The following RGS19 variants were observed in gnomAD, a reference collection of about 807,000 sequenced individuals.
RGS19 encodes regulator of G protein signaling 19.
Under a neutral mutation model 22.0 loss-of-function variants are expected in RGS19, and 9 were observed. The ratio of observed to expected loss-of-function variants is 0.41; its 90% confidence interval spans 0.25 to 0.71. The LOEUF (loss-of-function observed/expected upper bound fraction) is 0.71. RGS19 is among the 30% of genes least tolerant of loss of function. The pLI, the probability that RGS19 is intolerant of heterozygous loss-of-function variation, is 0.32. For missense variants in RGS19, 256 were observed against 307.1 expected (o/e 0.83, Z 1.24); for synonymous variants, 130 against 127.3 (o/e 1.02, Z -0.14).
chr20:64,076,871 C>G lies in RGS19; in HGVS notation c.16G>C (p.Glu6Gln). 6.4e-7 allele frequency: 1 copy of G among 1,554,870 alleles called. No homozygotes were observed. The highest frequency in any genetic ancestry group is 8.6e-7 in the Non-Finnish European group (1 of 1,158,252). Residue 6 changes from glutamate to glutamine, a missense_variant, in exon 2 of 6, where the codon GAG becomes CAG. Glu to Gln is a conservative substitution (Grantham distance 29). Coordinates refer to ENST00000395042, the MANE Select transcript of RGS19 (RefSeq NM_005873.3). ...AGGTGGCATACCTGCTTCTCAGCCT[C>G]ATGCGGGGTGGGCATGGGTGGGCGG... MPTPH[E>Q]AEKQITGPEE...
chr20:64,074,147 C>T lies in RGS19; in HGVS notation c.459G>A (p.Lys153=). 1.9e-6 allele frequency: 3 copies of T among 1,612,670 alleles called. No homozygotes were observed. The highest frequency in any genetic ancestry group is 2.5e-6 in the Non-Finnish European group (3 of 1,178,924). ...CCTGTTCTGGTGTCTGGCGCACCTCCTTGGGGGACAGGATGGATACGTAGT... is the reference window on the plus strand; with the variant it reads ...CCTGTTCTGGTGTCTGGCGCACCTCTTTGGGGGACAGGATGGATACGTAGT... The part of the protein sequence containing the change: ...YEDYVSILSP[K]EVSLDSRVRE... The change falls in exon 5 of 6, where the codon AAG becomes AAA. Residue 153 remains lysine (K), a synonymous_variant. Coordinates refer to ENST00000395042, the MANE Select transcript of RGS19 (RefSeq NM_005873.3).
intron 1 of RGS19, 80 bp from the exon 2 acceptor site, chr20:64,077,034 G>A: frequency 1.4e-6 from 1 of 733,214 alleles, no homozygotes; most frequent in Non-Finnish European, 2.1e-6. Flanking sequence ...TCCTGAGAGG[G>A]TGTCTCCCTA....
intron 3 of RGS19, among the ~76,000 whole-genome samples, chr20:64,076,216 C>T (rs1208976552): frequency 6.6e-6 from 1 of 152,246 alleles, no homozygotes; most frequent in Non-Finnish European, 1.5e-5. Flanking sequence ...CCCCCAGGGC[C>T]TAGCCTGGGC....
chr20:64,079,822 G>C (rs1391475761), upstream of RGS19: 1 of 150,474 alleles, frequency 6.6e-6, no homozygotes, highest in Non-Finnish European at 1.5e-5. This position sits in a 1 kb window ranked among gnomAD's most constrained non-coding sequence, Gnocchi z 5.1. Context: ...CCCCGGGCCC[G>C]GGCCGGGAGG....
chr20:64,077,723 G>A (rs995625557), intron 1 of RGS19, among the ~76,000 whole-genome samples: 1 of 152,200 alleles, frequency 6.6e-6, no homozygotes, highest in Non-Finnish European at 1.5e-5. Flanking sequence ...CGAAGCCTCG[G>A]AGTCCCTGAG....
At position 64,073,680 on chromosome 20, in the gene RGS19, C is replaced by T. The variant is rs2059874769; in HGVS notation, c.*173G>A. 1.5e-5 allele frequency: 9 copies of T among 598,122 alleles called. No homozygotes were observed. The highest frequency in any genetic ancestry group is 4.6e-4 in the Middle Eastern group (1 of 2,194). 37.1% of individuals were successfully genotyped at this position (598,122 alleles called of 1,614,324 possible). On this transcript the variant is annotated 3_prime_UTR_variant, in exon 6 of 6. Transcript: ENST00000395042. ...TGCACCTGGAGTTCCTGCTTGGCCA[C>T]GGGTGGGCAGACCCAGGAGACACAG...
intron 1 of RGS19, among the ~76,000 whole-genome samples, chr20:64,078,722 T>A (rs1197346305): frequency 6.6e-6 from 1 of 152,080 alleles, no homozygotes; most frequent in Non-Finnish European, 1.5e-5. Flanking sequence ...GCAACCCATG[T>A]CCCCAGGCTA....
At position 64,079,266 on chromosome 20, in the gene RGS19, C is replaced by G. The variant is rs982432461; in HGVS notation, c.-69+28G>C. 6.6e-6 allele frequency: 1 copy of G among 152,338 alleles called. No homozygotes were observed. Among genetic ancestry groups the G allele is most frequent in the Non-Finnish European group, 1.5e-5 (1 of 68,156 alleles). The allele number at this position is 152,338 out of a possible 1,614,324, so 9.4% of individuals were successfully genotyped here. On this transcript the variant is annotated intron_variant, in intron 1 of 5. Coordinates refer to ENST00000395042, the MANE Select transcript of RGS19 (RefSeq NM_005873.3). The surrounding 1 kb of genome is among the most constrained non-coding windows in gnomAD (Gnocchi z 5.1). ...CTCTTTCTTCAGCCTCTGACGCCCC[C>G]ACCCCTACCTCAAAGCTCCCTACTC...
At chr20:64,076,111 C>T (rs1004832890) in intron 3 of RGS19, among the ~76,000 whole-genome samples, 2 of 152,178 alleles carry the variant, frequency 1.3e-5, no homozygotes, top group Non-Finnish European at 2.9e-5. Flanking sequence ...GAACTCCCGA[C>T]CTCAGGTGAT....
rs370994100 is a variant in RGS19, at chr20:64,074,310, G to A, written c.296C>T (p.Ala99Val). ...GAACGCCCGGAACACGCTGCGTCCC[G>A]CTGGGCTGTGCATCAGCTTGTCAAA... ...QSFDKLMHSP[A>V]GRSVFRAFLR... The change falls in exon 5 of 6, where the codon GCG (alanine) becomes GTG (valine). Residue 99 changes from alanine (A) to valine (V), a missense_variant. Ala to Val is a moderately conservative substitution (Grantham distance 64). Coordinates refer to ENST00000395042, the MANE Select transcript of RGS19 (RefSeq NM_005873.3). The A allele has an allele frequency of 7.4e-6, 12 of 1,612,488 alleles. No homozygotes were observed. In the African/African-American group the frequency reaches 1.2e-4, roughly 16 times the overall value.
chr20:64,076,454 TCCCCTCCTGGGTCTGCTTGG>T, intron 3 of RGS19, 51 bp downstream of exon 3: 1 of 1,592,334 alleles, frequency 6.3e-7, no homozygotes, highest in Non-Finnish European at 8.5e-7. Context: ...CACCACTGGG[TCCCCTCCTGGGTCTGCTTGG>T]CCCCATGCCC....
At chr20:64,077,535 G>A (rs2059914809) in intron 1 of RGS19, among the ~76,000 whole-genome samples, 1 of 152,194 alleles carries the variant, frequency 6.6e-6, no homozygotes, top group Non-Finnish European at 1.5e-5. Context: ...CCCCGGTGAG[G>A]AGGGACATGC....
chr20:64,077,396 CA>C (rs2059914001), intron 1 of RGS19, among the ~76,000 whole-genome samples: 1 of 152,116 alleles, frequency 6.6e-6, no homozygotes, highest in African/African-American at 2.4e-5. Context: ...AGTGGCTTCC[CA>C]CCAAGAGTCC....
chr20:64,076,586 G>C lies in RGS19; in HGVS notation c.91C>G (p.Pro31Ala), dbSNP rs1379347243. 1.6e-5 allele frequency: 25 copies of C among 1,612,510 alleles called. No individual in the cohort carries two copies. Among genetic ancestry groups the C allele is most frequent in the Non-Finnish European group, 2.1e-5 (25 of 1,179,724 alleles). Residue 31 changes from proline (P) to alanine (A), a missense_variant, in exon 3 of 6, where the codon CCA (proline) becomes GCA (alanine). Physicochemically the swap from Pro to Ala is conservative, Grantham distance 27. Coordinates refer to ENST00000395042, the MANE Select transcript of RGS19 (RefSeq NM_005873.3). ...PSMSSHDTAS[P>A]AAPSRNPCCL... Reference sequence around the variant, plus strand: ...CAGGGGTTGCGGCTGGGGGCCGCTGGAGAGGCTGTATCATGACTGGACATT... The same window carrying C: ...CAGGGGTTGCGGCTGGGGGCCGCTGCAGAGGCTGTATCATGACTGGACATT...
At chr20:64,074,437 A>C (rs780451294) in intron 4 of RGS19, 30 bp downstream of exon 4, 10 of 1,576,790 alleles carry the variant, frequency 6.3e-6, no homozygotes, top group Non-Finnish European at 6.9e-6. Context: ...GGGCCCCCCC[A>C]GCACGCACAC....
In RGS19 at chr20:64,074,393, G is replaced by A. The variant is rs1371600223; in HGVS notation, c.228-15C>T. 4 of 1,597,234 alleles carry A rather than the reference G, an allele frequency of 2.5e-6. 1 individual carries two copies. Among genetic ancestry groups the A allele is most frequent in the Middle Eastern group, 1.7e-4 (1 of 6,020 alleles). ...TTGGCGTGGCACTGTGGGCACGGGG[G>A]CCAGGCTATGTCAGGCCCGAGTCTC... On this transcript the variant is annotated splice_polypyrimidine_tract_variant and intron_variant, in intron 4 of 5. Transcript: ENST00000395042.
chr20:64,076,136 C>A (rs1168584227), intron 3 of RGS19, among the ~76,000 whole-genome samples: 2 of 152,208 alleles, frequency 1.3e-5, no homozygotes, highest in African/African-American at 4.8e-5. Context: ...CCACCTTGCC[C>A]TCCCAAAGTG....
intron 3 of RGS19, among the ~76,000 whole-genome samples, chr20:64,076,292 G>A (rs1473892520): frequency 6.6e-6 from 1 of 152,246 alleles, no homozygotes; most frequent in Non-Finnish European, 1.5e-5. Flanking sequence ...CACAGCACAC[G>A]GACACACCCT....
chr20:64,073,638 C>T lies in RGS19; in HGVS notation c.*215G>A, dbSNP rs1012262525. 57 of 511,768 alleles carry T rather than the reference C, an allele frequency of 1.1e-4. No individual in the cohort carries two copies. Among genetic ancestry groups the T allele is most frequent in the African/African-American group, 6.7e-4 (35 of 51,920 alleles). The allele number at this position is 511,768 out of a possible 1,614,324, so 31.7% of individuals were successfully genotyped here. A position where few individuals can be genotyped will look rare whatever the true frequency, so the allele number is the denominator to read the frequency against. ...ATGAGGGGGCTTCTGGCCCGCCCTG[C>T]ACCTGGAGGCCCGCCCTGCACCTGG... is the stretch of plus-strand genomic sequence containing the variant. On this transcript the variant is annotated 3_prime_UTR_variant, in exon 6 of 6. Transcript: ENST00000395042.
Sources: allele counts gnomAD v4.1 joint callset (sites outside exome capture counted in the v4.1 genomes callset), GRCh38; gene constraint gnomAD v4.1.1; non-coding constraint Gnocchi (gnomAD v3.1); transcripts MANE v1.5; gene names NCBI Gene and HGNC (gene_info 2026-07-23, HGNC 2026-07-21).